GLCE: variants seen among roughly 807,000 people sequenced by gnomAD.
GLCE encodes D-glucuronyl C5-epimerase.
GLCE carries 19 observed loss-of-function variants against 47.9 expected under a neutral mutation model. The observed-to-expected ratio is 0.40, with a 90% CI of 0.28 to 0.58. The LOEUF (loss-of-function observed/expected upper bound fraction) is 0.58, where lower values mean the gene tolerates loss of function less well. Ranked by LOEUF, GLCE falls within the 20% of genes least tolerant of loss-of-function variation. The pLI is 0.48. For synonymous variants in GLCE, 245 were observed against 263.4 expected (o/e 0.93, Z 0.68); for missense variants, 556 against 743.3 (o/e 0.75, Z 2.93).
At chr15:69,246,978 G>A (rs1482287993) in intron 2 of GLCE, among the ~76,000 whole-genome samples, 3 of 152,166 alleles carry the variant, frequency 2.0e-5, no homozygotes, top group Non-Finnish European at 2.9e-5. Context: ...AGGCTTTGTT[G>A]TTCCATTTAT....
chr15:69,192,549 C>G (rs999105201), intron 1 of GLCE, among the ~76,000 whole-genome samples: 1 of 151,996 alleles, frequency 6.6e-6, no homozygotes, highest in South Asian at 2.1e-4. Flanking sequence ...GACTGTTTTT[C>G]TAGTTCACAA....
intron 1 of GLCE, among the ~76,000 whole-genome samples, chr15:69,168,918 A>G (rs1281337683): frequency 2.0e-5 from 3 of 152,350 alleles, no homozygotes; most frequent in African/African-American, 7.2e-5. Flanking sequence ...ATACAGCTCA[A>G]TGAATTACAT....
At chr15:69,217,366 C>T (rs1462300326) in intron 2 of GLCE, among the ~76,000 whole-genome samples, 1 of 150,938 alleles carries the variant, frequency 6.6e-6, no homozygotes. Flanking sequence ...AACTGTTTTC[C>T]AAGACTTGTA....
chr15:69,177,638 TTTA>T (rs2051688095), intron 1 of GLCE, among the ~76,000 whole-genome samples: 1 of 152,054 alleles, frequency 6.6e-6, no homozygotes, highest in African/African-American at 2.4e-5. Context: ...TTCATGCCCC[TTTA>T]TTATCTTTAC....
intron 1 of GLCE, among the ~76,000 whole-genome samples, chr15:69,172,317 A>G (rs1202162159): frequency 1.3e-5 from 2 of 152,274 alleles, no homozygotes; most frequent in Non-Finnish European, 2.9e-5. Flanking sequence ...GGTACTTAAC[A>G]AAAGAAGGCA....
At chr15:69,204,796 C>T (rs186647687) in intron 1 of GLCE, among the ~76,000 whole-genome samples, 124 of 152,170 alleles carry the variant, frequency 8.1e-4, no homozygotes, top group African/African-American at 2.9e-3. Flanking sequence ...AGATCAGACT[C>T]CTTTGCAGGT....
chr15:69,182,931 C>G (rs1467892590), intron 1 of GLCE, among the ~76,000 whole-genome samples: 1 of 152,028 alleles, frequency 6.6e-6, no homozygotes, highest in Non-Finnish European at 1.5e-5. Flanking sequence ...GGGAGGATCA[C>G]TTGAGTCCAG....
intron 2 of GLCE, among the ~76,000 whole-genome samples, chr15:69,231,849 A>G (rs2052527804): frequency 1.3e-5 from 2 of 151,930 alleles, no homozygotes; most frequent in African/African-American, 4.8e-5. Context: ...CTGGAGTGCA[A>G]TGGCATGATC....
intron 1 of GLCE, among the ~76,000 whole-genome samples, chr15:69,182,898 C>G (rs962619866): frequency 6.6e-5 from 10 of 151,998 alleles, no homozygotes; most frequent in African/African-American, 1.9e-4. Flanking sequence ...GCCTGTAGTC[C>G]CAGCTACTCA....
intron 2 of GLCE, among the ~76,000 whole-genome samples, chr15:69,248,798 C>T (rs1489274082): frequency 6.6e-6 from 1 of 152,094 alleles, no homozygotes; most frequent in Admixed American, 6.6e-5. Flanking sequence ...GATGGGATTT[C>T]ACCATGTTGA....
chr15:69,231,544 A>C (rs565228904), intron 2 of GLCE, among the ~76,000 whole-genome samples: 1 of 151,954 alleles, frequency 6.6e-6, no homozygotes, highest in Non-Finnish European at 1.5e-5. Context: ...CAGCCTCCCA[A>C]AGTGCTGGGA....
At chr15:69,216,755 G>A (rs2052313381) in intron 2 of GLCE, among the ~76,000 whole-genome samples, 1 of 152,040 alleles carries the variant, frequency 6.6e-6, no homozygotes, top group African/African-American at 2.4e-5. Context: ...GAAAAATACT[G>A]TATGCCTAGA....
chr15:69,257,304 T>A (rs28522715), intron 3 of GLCE, among the ~76,000 whole-genome samples: 2 of 152,072 alleles, frequency 1.3e-5, no homozygotes, highest in Non-Finnish European at 2.9e-5. Flanking sequence ...AGTTTTTTCC[T>A]TTGTTTTTAC....
At chr15:69,209,465 A>G (rs1020767783) in intron 1 of GLCE, among the ~76,000 whole-genome samples, 1 of 152,112 alleles carries the variant, frequency 6.6e-6, no homozygotes, top group African/African-American at 2.4e-5. Flanking sequence ...TTGTAGTTAC[A>G]ACATCAGTTT....
At chr15:69,249,072 G>A (rs755921648) in intron 2 of GLCE, among the ~76,000 whole-genome samples, 33 of 152,090 alleles carry the variant, frequency 2.2e-4, no homozygotes, top group Non-Finnish European at 3.8e-4. Context: ...AGAATGATGG[G>A]GTGAGAACTG....
chr15:69,179,598 C>T (rs1350772711), intron 1 of GLCE, among the ~76,000 whole-genome samples: 1 of 152,194 alleles, frequency 6.6e-6, no homozygotes, highest in Non-Finnish European at 1.5e-5. Context: ...TCATATCTCT[C>T]ATCCTAACCA....
chr15:69,198,231 C>T (rs1353478616), intron 1 of GLCE, among the ~76,000 whole-genome samples: 1 of 152,086 alleles, frequency 6.6e-6, no homozygotes, highest in South Asian at 2.1e-4. Context: ...ATTGTCGATA[C>T]CTTGATCTAT....
chr15:69,193,670 A>G (rs2051946271), intron 1 of GLCE, among the ~76,000 whole-genome samples: 1 of 151,930 alleles, frequency 6.6e-6, no homozygotes, highest in African/African-American at 2.4e-5. Flanking sequence ...GGGGGCGCCT[A>G]AGGTACAAAA....
At chr15:69,170,950 A>G (rs181833618) in intron 1 of GLCE, among the ~76,000 whole-genome samples, 1 of 152,316 alleles carries the variant, frequency 6.6e-6, no homozygotes, top group East Asian at 1.9e-4. Context: ...ATTTGGAGGT[A>G]TTTAGGAAAA....
Sources: gnomAD v4.1 joint callset for allele counts (sites outside exome capture counted in the v4.1 genomes callset) on GRCh38, gnomAD v4.1.1 for gene constraint, MANE v1.5 for transcripts, NCBI Gene and HGNC (gene_info 2026-07-23, HGNC 2026-07-21) for gene names.